Variants in MITF observed in about 807,000 individuals in gnomAD.
MITF encodes melanocyte inducing transcription factor.
MITF carries 17 observed loss-of-function variants against 60.5 expected under a neutral mutation model. That is an observed-to-expected ratio of 0.28 (90% CI 0.19 to 0.42). The LOEUF (loss-of-function observed/expected upper bound fraction) is 0.42. Ranked by LOEUF, MITF falls within the 10% of genes least tolerant of loss-of-function variation. The pLI, the probability that MITF is intolerant of heterozygous loss-of-function variation, is 1.00. For synonymous variants in MITF, 260 were observed against 248.5 expected, an observed-to-expected ratio of 1.05 and a Z score of -0.43; for missense variants, 622 against 683.5, an observed-to-expected ratio of 0.91 and a Z score of 1.00.
chr3:69,889,282 C>G (rs2064704028), intron 2 of MITF, among the ~76,000 whole-genome samples: 1 of 151,568 alleles, frequency 6.6e-6, no homozygotes, highest in Non-Finnish European at 1.5e-5. Context: ...ATTAGGCTGT[C>G]TTTGATTCAT....
intron 6 of MITF, 101 bp downstream of exon 6, chr3:69,949,269 G>A: frequency 2.3e-6 from 2 of 885,822 alleles, no homozygotes; most frequent in South Asian, 1.3e-5. Context: ...TCCAACTCAT[G>A]GACGTAACTT....
intron 1 of MITF, among the ~76,000 whole-genome samples, chr3:69,848,277 G>A (rs2063765558): frequency 6.6e-6 from 1 of 152,228 alleles, no homozygotes; most frequent in South Asian, 2.1e-4. Context: ...ATCCTGGCCA[G>A]CGTTCTGGGG....
intron 1 of MITF, among the ~76,000 whole-genome samples, chr3:69,839,797 A>G (rs1039684115): frequency 1.3e-5 from 2 of 152,098 alleles, no homozygotes; most frequent in Non-Finnish European, 2.9e-5. Flanking sequence ...TTGAAAAACG[A>G]AAACGTTCAC....
At chr3:69,809,311 G>A (rs1160697430) in intron 1 of MITF, among the ~76,000 whole-genome samples, 1 of 152,158 alleles carries the variant, frequency 6.6e-6, no homozygotes, top group Non-Finnish European at 1.5e-5. Context: ...AACCAGTATT[G>A]CTGTGTCACT....
At chr3:69,905,622 C>A (rs1158379751) in intron 2 of MITF, among the ~76,000 whole-genome samples, 1 of 152,024 alleles carries the variant, frequency 6.6e-6, no homozygotes. Context: ...AGTTCTATTT[C>A]CTTATATCCT....
At chr3:69,862,516 A>G (rs569886876) in intron 1 of MITF, among the ~76,000 whole-genome samples, 1 of 152,368 alleles carries the variant, frequency 6.6e-6, no homozygotes, top group East Asian at 1.9e-4. Flanking sequence ...GCTGGGCAAT[A>G]AAACATTTAA....
chr3:69,933,466 T>A (rs958114488), intron 2 of MITF, among the ~76,000 whole-genome samples: 1 of 152,102 alleles, frequency 6.6e-6, no homozygotes. Flanking sequence ...AAAGCTGAAG[T>A]GTGACAGTTA....
chr3:69,936,493 G>T, intron 2 of MITF: 1 of 927,070 alleles, frequency 1.1e-6, no homozygotes, highest in Non-Finnish European at 1.5e-6. Flanking sequence ...CAAACTCGTA[G>T]GGCTTCCAAA....
intron 5 of MITF, 74 bp from the exon 6 acceptor site, chr3:69,948,977 G>C: frequency 9.4e-7 from 1 of 1,067,656 alleles, no homozygotes; most frequent in East Asian, 2.4e-5. Flanking sequence ...TCCTAGAGTA[G>C]GATATAGGTT....
intron 1 of MITF, among the ~76,000 whole-genome samples, chr3:69,768,165 T>C (rs893884691): frequency 6.6e-6 from 1 of 152,200 alleles, no homozygotes; most frequent in Non-Finnish European, 1.5e-5. Context: ...GCAAAATTCT[T>C]AGGGTCCATG....
chr3:69,754,030 G>A (rs1349617564), intron 1 of MITF, among the ~76,000 whole-genome samples: 2 of 152,160 alleles, frequency 1.3e-5, no homozygotes, highest in African/African-American at 4.8e-5. Context: ...GATATGGTTT[G>A]AATCTGTGTC....
chr3:69,799,265 A>G (rs6791604), intron 1 of MITF, among the ~76,000 whole-genome samples: 3,501 of 152,256 alleles, frequency 0.023, 132 homozygotes, highest in African/African-American at 0.08. Flanking sequence ...GTGAGGAAAA[A>G]TGGTGTGTCT....
chr3:69,797,167 T>C (rs1246416743), intron 1 of MITF, among the ~76,000 whole-genome samples: 1 of 152,198 alleles, frequency 6.6e-6, no homozygotes, highest in Non-Finnish European at 1.5e-5. Flanking sequence ...CACATGTGAA[T>C]GGAAAATTGT....
chr3:69,913,830 A>G (rs2065275107), intron 2 of MITF, among the ~76,000 whole-genome samples: 1 of 152,186 alleles, frequency 6.6e-6, no homozygotes, highest in South Asian at 2.1e-4. Flanking sequence ...CCCATATTCA[A>G]GATGATATAA....
chr3:69,865,836 G>T (rs538778510), intron 1 of MITF, among the ~76,000 whole-genome samples: 1 of 152,204 alleles, frequency 6.6e-6, no homozygotes, highest in South Asian at 2.1e-4. Flanking sequence ...AACTGAGAGG[G>T]GACACAAGCA....
Position 69,808,165 on chromosome 3 carries a change from C to T in MITF, c.104+68464C>T, listed in dbSNP as rs548757792. 8.3e-3 allele frequency among the ~76,000 whole-genome samples: 1,235 copies of T among 148,282 alleles called. 11 individuals are homozygous for T. Among genetic ancestry groups the T allele is most frequent in the Non-Finnish European group, 0.014 (955 of 67,212 alleles). Reference sequence around the variant, plus strand: ...AATATATATATAAAATTAGAGTGTTCTGTTACAAGATTTGTACTCATTAAT... The same window carrying T: ...AATATATATATAAAATTAGAGTGTTTTGTTACAAGATTTGTACTCATTAAT... On this transcript the variant is annotated intron_variant, in intron 1 of 9. Coordinates refer to ENST00000352241, the MANE Select transcript of MITF (RefSeq NM_001354604.2).
At chr3:69,924,898 C>G (rs1326794103) in intron 2 of MITF, among the ~76,000 whole-genome samples, 1 of 152,296 alleles carries the variant, frequency 6.6e-6, no homozygotes, top group Non-Finnish European at 1.5e-5. Flanking sequence ...TTTTCTCTTA[C>G]TCTCACAATC....
At chr3:69,866,328 C>T (rs371867296) in intron 1 of MITF, 1 of 1,613,634 alleles carries the variant, frequency 6.2e-7, no homozygotes, top group East Asian at 2.2e-5. Flanking sequence ...ATGCCATGCT[C>T]CTTTGAAAGC....
At chr3:69,847,361 C>G (rs2063749855) in intron 1 of MITF, among the ~76,000 whole-genome samples, 1 of 152,128 alleles carries the variant, frequency 6.6e-6, no homozygotes, top group Non-Finnish European at 1.5e-5. Flanking sequence ...TGTTTCCTTC[C>G]TAAGAAGGAC....
Sources: allele counts gnomAD v4.1 joint callset (sites outside exome capture counted in the v4.1 genomes callset), GRCh38; gene constraint gnomAD v4.1.1; transcripts MANE v1.5; gene names NCBI Gene and HGNC (gene_info 2026-07-23, HGNC 2026-07-21).